The following SMG9 variants were observed in gnomAD, a reference collection of about 807,000 sequenced individuals.
SMG9 encodes nonsense-mediated mRNA decay factor SMG9.
In SMG9, 55 loss-of-function variants were observed where a neutral mutation model predicts 64.0. The observed-to-expected ratio is 0.86, with a 90% CI of 0.69 to 1.08. The LOEUF is 1.08. SMG9 is among the 50% of genes least tolerant of loss of function. The pLI, the probability that SMG9 is intolerant of heterozygous loss-of-function variation, is 0.00. For missense variants in SMG9, 554 were observed against 681.3 expected, an observed-to-expected ratio of 0.81 and a Z score of 2.08; for synonymous variants, 244 against 254.8, an observed-to-expected ratio of 0.96 and a Z score of 0.41.
chr19:43,731,435 C>T lies in SMG9; in HGVS notation c.*161G>A. 1 of 1,438,456 alleles carries T rather than the reference C, an allele frequency of 7.0e-7. No individual in the cohort carries two copies. Among genetic ancestry groups the T allele is most frequent in the Non-Finnish European group, 9.1e-7 (1 of 1,093,856 alleles). The allele number at this position is 1,438,456 out of a possible 1,614,324, so 89.1% of individuals were successfully genotyped here. ...AACAGCCCCAACTGAGGGTGGGGGG[C>T]CTGGCCCTGGACACCTCATGTCTCT... On this transcript the variant is annotated 3_prime_UTR_variant, in exon 14 of 14. Transcript: ENST00000270066.
chr19:43,729,150 G>T lies in SMG9; in HGVS notation c.*2446C>A. On this transcript the variant is annotated 3_prime_UTR_variant, in exon 14 of 14. Transcript: ENST00000270066. ...TCTGTCAAACTGCCTCAACGAGCCA[G>T]CCCCTGCACAAAACCCTGGAGGTGG... The T allele has an allele frequency of 4.0e-6, 2 of 503,422 alleles. No individual in the cohort carries two copies. The highest frequency in any genetic ancestry group is 5.1e-6 in the Non-Finnish European group (2 of 389,860). 31.2% of individuals were successfully genotyped at this position (503,422 alleles called of 1,614,324 possible).
chr19:43,749,368 G>T (rs1204386195), intron 2 of SMG9, among the ~76,000 whole-genome samples: 1 of 152,160 alleles, frequency 6.6e-6, no homozygotes, highest in Non-Finnish European at 1.5e-5. Context: ...GGACACAGAG[G>T]ATAAGAAGCC....
chr19:43,745,187 T>C (rs1463848050), intron 5 of SMG9, among the ~76,000 whole-genome samples: 1 of 151,994 alleles, frequency 6.6e-6, no homozygotes, highest in Non-Finnish European at 1.5e-5. Flanking sequence ...AAAAGGGAAG[T>C]CTGATCTTGG....
chr19:43,748,653 T>G (rs760882836), intron 2 of SMG9: 2 of 519,952 alleles, frequency 3.8e-6, no homozygotes, highest in Non-Finnish European at 7.7e-6. Flanking sequence ...TCCCAAGCCT[T>G]GACCTCTTCA....
chr19:43,754,772 G>C lies in SMG9; in HGVS notation c.-125C>G, dbSNP rs1599665041. The C allele has an allele frequency of 1.3e-5, 2 of 152,236 alleles. No individual in the cohort carries two copies. Among genetic ancestry groups the C allele is most frequent in the East Asian group, 3.9e-4 (2 of 5,194 alleles). 9.4% of individuals were successfully genotyped at this position (152,236 alleles called of 1,614,324 possible). A position where few individuals can be genotyped will look rare whatever the true frequency, so the allele number is the denominator to read the frequency against. On this transcript the variant is annotated 5_prime_UTR_variant, in exon 1 of 14. Coordinates refer to ENST00000270066, the MANE Select transcript of SMG9 (RefSeq NM_019108.4). ...CCTGCAAATGGCGTCTGGGGGCCAG[G>C]AACGTGGGAAGGAGAGAAAATGGGC...
intron 6 of SMG9, among the ~76,000 whole-genome samples, chr19:43,744,228 G>A (rs975668149): frequency 2.6e-5 from 4 of 152,142 alleles, no homozygotes; most frequent in African/African-American, 7.2e-5. Flanking sequence ...ATTTTCCCAA[G>A]GTGACACAGT....
In SMG9 at chr19:43,731,132, T is replaced by A; in HGVS notation, c.*464A>T. The A allele has an allele frequency of 1.0e-6, 1 of 987,652 alleles. No individual in the cohort carries two copies. Among genetic ancestry groups the A allele is most frequent in the East Asian group, 1.1e-4 (1 of 8,864 alleles). The allele number at this position is 987,652 out of a possible 1,614,324, so 61.2% of individuals were successfully genotyped here. The stretch of plus-strand genomic sequence containing the variant: ...CAGAGCTGCATGGTGGGTAGAGGAG[T>A]AAGTGGAACATAAGAACAGGCTTGC... On this transcript the variant is annotated 3_prime_UTR_variant, in exon 14 of 14. Transcript: ENST00000270066.
chr19:43,748,554 GCTCA>G (rs1030818885), intron 2 of SMG9: 26 of 464,964 alleles, frequency 5.6e-5, no homozygotes, highest in African/African-American at 4.7e-4. Flanking sequence ...CATGGCAGGT[GCTCA>G]CTATGTGAGA....
chr19:43,748,830 T>C (rs756908995), intron 2 of SMG9: 5 of 517,556 alleles, frequency 9.7e-6, no homozygotes, highest in African/African-American at 5.8e-5. Context: ...CTCACTTCAC[T>C]GGCTTACGGT....
intron 10 of SMG9, chr19:43,734,184 C>T (rs1410757865): frequency 2.7e-5 from 16 of 583,344 alleles, no homozygotes; most frequent in Non-Finnish European, 6.1e-6. Flanking sequence ...GGGGTCATGC[C>T]CTCAACTGTC....
intron 10 of SMG9, 45 bp downstream of exon 10, chr19:43,734,344 A>G (rs1191085288): frequency 1.4e-6 from 2 of 1,476,516 alleles, no homozygotes; most frequent in African/African-American, 2.8e-5. Flanking sequence ...TCAGCCCCTC[A>G]TTTTTCCTCC....
chr19:43,753,811 T>C (rs1969268405), intron 1 of SMG9, among the ~76,000 whole-genome samples: 1 of 151,160 alleles, frequency 6.6e-6, no homozygotes, highest in African/African-American at 2.4e-5. Context: ...ATGTGGGGAG[T>C]TCCTTGGAAC....
At chr19:43,733,879 G>A in intron 10 of SMG9, 146 bp from the exon 11 acceptor site, 4 of 644,896 alleles carry the variant, frequency 6.2e-6, no homozygotes, top group Non-Finnish European at 1.1e-5. Flanking sequence ...TTAGCACCAG[G>A]CTCTGTGTAG....
chr19:43,733,066 G>A (rs549279178), intron 12 of SMG9, 64 bp from the exon 13 acceptor site: 3 of 1,533,918 alleles, frequency 2.0e-6, no homozygotes, highest in East Asian at 2.3e-5. Context: ...CCAGTTAACA[G>A]CATCCTGGGC....
rs1284945281 is a variant in SMG9 at position 43,733,011 on chromosome 19, T to C, written c.1340-9A>G. 3 of 1,604,994 alleles carry C rather than the reference T, an allele frequency of 1.9e-6. No homozygotes were observed. The highest frequency in any genetic ancestry group is 2.7e-5 in the African/African-American group (2 of 74,484). On this transcript the variant is annotated splice_polypyrimidine_tract_variant and intron_variant, in intron 12 of 13. Coordinates refer to ENST00000270066, the MANE Select transcript of SMG9 (RefSeq NM_019108.4). The stretch of plus-strand genomic sequence containing the variant: ...TGGGCTGGAACCAGGTCCTGGAAAG[T>C]TGGGGCAGGGAGGGTAAGAGGGATA...
chr19:43,753,782 G>C (rs1197250477), intron 1 of SMG9, among the ~76,000 whole-genome samples: 1 of 151,874 alleles, frequency 6.6e-6, no homozygotes, highest in Non-Finnish European at 1.5e-5. Context: ...TTTATTCTGG[G>C]AGCTTCCACA....
chr19:43,747,603 C>T, intron 4 of SMG9, 30 bp downstream of exon 4: 1 of 1,614,036 alleles, frequency 6.2e-7, no homozygotes, highest in Non-Finnish European at 8.5e-7. Flanking sequence ...ACGCCAGTTC[C>T]CAACCTGGTA....
chr19:43,743,621 C>T (rs538837124), intron 6 of SMG9, among the ~76,000 whole-genome samples: 20 of 152,232 alleles, frequency 1.3e-4, no homozygotes, highest in Non-Finnish European at 1.9e-4. Flanking sequence ...CAGAGGAAGA[C>T]GCCATCTCTA....
At chr19:43,746,175 A>G (rs984712589) in intron 5 of SMG9, among the ~76,000 whole-genome samples, 5 of 152,204 alleles carry the variant, frequency 3.3e-5, no homozygotes, top group Non-Finnish European at 4.4e-5. Flanking sequence ...CGTCTCCTAA[A>G]TAAATAAAGC....
Sources: allele counts gnomAD v4.1 joint callset (sites outside exome capture counted in the v4.1 genomes callset), GRCh38; gene constraint gnomAD v4.1.1; transcripts MANE v1.5; gene names NCBI Gene and HGNC (gene_info 2026-07-23, HGNC 2026-07-21).